The following ZNF628 variants were observed in gnomAD, a reference collection of about 807,000 sequenced individuals.
ZNF628 encodes the protein zinc finger protein 628.
Under a neutral mutation model 2.5 loss-of-function variants are expected in ZNF628, and 3 were observed. That is an observed-to-expected ratio of 1.19 (90% CI 0.54 to 3.07). The LOEUF (loss-of-function observed/expected upper bound fraction) is 3.07. Among genes scored for constraint, ZNF628 ranks in the 30% most tolerant of loss-of-function variants. The pLI, the probability that ZNF628 is intolerant of heterozygous loss-of-function variation, is 0.03. For missense variants in ZNF628, 1,610 were observed against 1,517.1 expected, an observed-to-expected ratio of 1.06 and a Z score of -1.02; for synonymous variants, 861 against 717.1, an observed-to-expected ratio of 1.20 and a Z score of -3.21.
rs2123412154 is a variant in ZNF628, at chr19:55,482,053, C to T, written c.860C>T (p.Ala287Val). The change falls in exon 3 of 3, where the codon GCG becomes GTG. Residue 287 changes from alanine (A) to valine (V), a missense_variant. Physicochemically the swap from Ala to Val is moderately conservative, Grantham distance 64. Around this residue, in one of 5 missense-constraint regions of ZNF628, gnomAD observed 651 missense variants for 575.6 expected, o/e 1.13. Transcript: ENST00000598519. ...GTGCCTGAGCTCTTTTTGGCGGCGG[C>T]GGAGACCACGGTGGAGCTGGTGTAC... ...PVVPELFLAA[A>V]ETTVELVYRC... is the part of the protein sequence containing the mutation. The T allele has an allele frequency of 8.7e-6, 13 of 1,488,888 alleles. No homozygotes were observed. The highest frequency in any genetic ancestry group is 1.2e-5 in the Non-Finnish European group (13 of 1,120,728). 92.2% of individuals were successfully genotyped at this position (1,488,888 alleles called of 1,614,324 possible). A position where few individuals can be genotyped will look rare whatever the true frequency, so the allele number is the denominator to read the frequency against.
chr19:55,481,580 C>A lies in ZNF628; in HGVS notation c.387C>A (p.Phe129Leu). 1 of 1,613,502 alleles carries A rather than the reference C, an allele frequency of 6.2e-7. No individual in the cohort carries two copies. Among genetic ancestry groups the A allele is most frequent in the Non-Finnish European group, 8.5e-7 (1 of 1,179,640 alleles). The change falls in exon 3 of 3, where the codon TTC becomes TTA. Residue 129 changes from phenylalanine (F) to leucine (L), a missense_variant. By Grantham distance (22) the Phe-to-Leu change is conservative (BLOSUM62 0). Transcript: ENST00000598519. ...AFICGQCGLA[F>L]KWSSHYQYHL... Reference sequence around the variant, plus strand: ...TCTGCGGCCAGTGCGGCCTGGCCTTCAAGTGGTCGTCCCACTACCAGTACC... The same window carrying A: ...TCTGCGGCCAGTGCGGCCTGGCCTTAAAGTGGTCGTCCCACTACCAGTACC...
chr19:55,482,886 C>T lies in ZNF628; in HGVS notation c.1693C>T (p.Pro565Ser). The T allele has an allele frequency of 6.2e-7, 1 of 1,603,756 alleles. No homozygotes were observed. The highest frequency in any genetic ancestry group is 1.7e-5 in the Admixed American group (1 of 59,708). The change falls in exon 3 of 3, where the codon CCC (proline) becomes TCC (serine). Residue 565 changes from proline (P) to serine (S), a missense_variant. Pro to Ser is a moderately conservative substitution (Grantham distance 74). Transcript: ENST00000598519. Reference protein sequence around the residue: ...RHRHVHTGERPHACGVCGKSF... With the variant: ...RHRHVHTGERSHACGVCGKSF... ...CCGCCACGTGCACACTGGCGAGAGG[C>T]CCCACGCCTGCGGTGTCTGCGGCAA...
chr19:55,482,654 C>T lies in ZNF628; in HGVS notation c.1461C>T (p.Cys487=). ...TGERPYQCGE[C]GKAFKRSSLL... ...AGCGGCCCTACCAGTGTGGCGAGTGCGGCAAGGCCTTCAAGCGCTCCTCCC... is the reference window on the plus strand; with the variant it reads ...AGCGGCCCTACCAGTGTGGCGAGTGTGGCAAGGCCTTCAAGCGCTCCTCCC... Residue 487 remains cysteine, a synonymous_variant, in exon 3 of 3, where the codon TGC becomes TGT. Coordinates refer to ENST00000598519, the MANE Select transcript of ZNF628 (RefSeq NM_033113.3). 6 of 1,611,228 alleles carry T rather than the reference C, an allele frequency of 3.7e-6. No homozygotes were observed. Among genetic ancestry groups the T allele is most frequent in the Non-Finnish European group, 5.1e-6 (6 of 1,179,134 alleles).
chr19:55,478,214 G>A (rs935455369), intron 1 of ZNF628, among the ~76,000 whole-genome samples: 3 of 152,222 alleles, frequency 2.0e-5, no homozygotes, highest in African/African-American at 7.2e-5. Context: ...CACTGCTGAG[G>A]CTGAGAATCC....
At position 55,482,006 on chromosome 19, in the gene ZNF628, G is replaced by GCCGCCCCCGCCC. The variant is rs764488198; in HGVS notation, c.820_831dup (p.Pro274_Pro277dup). ...ACAGCCCGCCCGCGCCTCCCGCCCC[G>GCCGCCCCCGCCC]CCGCCCCCGCCCCCGCCCGTGGTGC... On this transcript the variant is annotated inframe_insertion, in exon 3 of 3. Transcript: ENST00000598519. The GCCGCCCCCGCCC allele has an allele frequency of 8.6e-7, 1 of 1,157,624 alleles. No individual in the cohort carries two copies. Among genetic ancestry groups the GCCGCCCCCGCCC allele is most frequent in the African/African-American group, 2.0e-5 (1 of 49,928 alleles). The allele number at this position is 1,157,624 out of a possible 1,614,324, so 71.7% of individuals were successfully genotyped here. A position where few individuals can be genotyped will look rare whatever the true frequency, so the allele number is the denominator to read the frequency against.
chr19:55,480,445 A>G (rs1030029169), intron 2 of ZNF628, among the ~76,000 whole-genome samples: 3 of 151,094 alleles, frequency 2.0e-5, no homozygotes, highest in Admixed American at 2.0e-4. Context: ...TTTGAGATGG[A>G]GTTTCACTCT....
At position 55,484,389 on chromosome 19, in the gene ZNF628, C is replaced by T; in HGVS notation, c.*16C>T. Reference sequence around the variant, plus strand: ...CACGTTTTGAGGAGAGGCAGTGATTCCCCTCCCGCCCCGCACAGAGACCCC... The same window carrying T: ...CACGTTTTGAGGAGAGGCAGTGATTTCCCTCCCGCCCCGCACAGAGACCCC... On this transcript the variant is annotated 3_prime_UTR_variant, in exon 3 of 3. Coordinates refer to ENST00000598519, the MANE Select transcript of ZNF628 (RefSeq NM_033113.3). 1 of 1,438,700 alleles carries T rather than the reference C, an allele frequency of 7.0e-7. No homozygotes were observed. The highest frequency in any genetic ancestry group is 9.2e-7 in the Non-Finnish European group (1 of 1,092,656). The allele number at this position is 1,438,700 out of a possible 1,614,324, so 89.1% of individuals were successfully genotyped here.
rs1427155420 is a variant in ZNF628 at position 55,483,578 on chromosome 19, A to G, written c.2385A>G (p.Thr795=). ...QGAASAGASG[T]GQSLIVLQNV... is the part of the protein sequence containing the mutation. The stretch of plus-strand genomic sequence containing the variant: ...CGGCCAGCGCTGGGGCCAGCGGGAC[A>G]GGGCAGAGCCTCATCGTTCTGCAGA... Residue 795 remains threonine, a synonymous_variant, in exon 3 of 3, where the codon ACA becomes ACG. Transcript: ENST00000598519. The G allele has an allele frequency of 1.9e-6, 3 of 1,608,468 alleles. No individual in the cohort carries two copies. The highest frequency in any genetic ancestry group is 2.7e-5 in the African/African-American group (2 of 74,850).
At position 55,483,100 on chromosome 19, in the gene ZNF628, A is replaced by G; in HGVS notation, c.1907A>G (p.Tyr636Cys). 1.9e-6 allele frequency: 3 copies of G among 1,605,082 alleles called. No homozygotes were observed. The highest frequency in any genetic ancestry group is 2.5e-6 in the Non-Finnish European group (3 of 1,178,948). Residue 636 changes from tyrosine (Y) to cysteine (C), a missense_variant, in exon 3 of 3, where the codon TAT becomes TGT. Physicochemically the swap from Tyr to Cys is radical, Grantham distance 194. This residue lies in a region of ZNF628 where 712 missense variants were observed against 603.6 expected (regional missense o/e 1.18). Coordinates refer to ENST00000598519, the MANE Select transcript of ZNF628 (RefSeq NM_033113.3). ...GGTCGCGGCTTCGTTATGGCCGCCTATCTGCAGCGGCACCTGAGGACGCAC... is the reference window on the plus strand; with the variant it reads ...GGTCGCGGCTTCGTTATGGCCGCCTGTCTGCAGCGGCACCTGAGGACGCAC... ...ICGRGFVMAA[Y>C]LQRHLRTHAP...
rs1986773132 is a variant in ZNF628 at position 55,482,882 on chromosome 19, G to A, written c.1689G>A (p.Glu563=). Reference sequence around the variant, plus strand: ...GCCACCGCCACGTGCACACTGGCGAGAGGCCCCACGCCTGCGGTGTCTGCG... The same window carrying A: ...GCCACCGCCACGTGCACACTGGCGAAAGGCCCCACGCCTGCGGTGTCTGCG... ...LRRHRHVHTG[E]RPHACGVCGK... is the part of the protein sequence containing the mutation. The change falls in exon 3 of 3, where the codon GAG becomes GAA. Residue 563 remains glutamate, a synonymous_variant. Coordinates refer to ENST00000598519, the MANE Select transcript of ZNF628 (RefSeq NM_033113.3). The A allele has an allele frequency of 1.2e-6, 2 of 1,603,714 alleles. No individual in the cohort carries two copies. Among genetic ancestry groups the A allele is most frequent in the African/African-American group, 1.3e-5 (1 of 74,820 alleles).
At chr19:55,477,489 C>T (rs1986585197) in intron 1 of ZNF628, among the ~76,000 whole-genome samples, 2 of 151,948 alleles carry the variant, frequency 1.3e-5, no homozygotes, top group East Asian at 1.9e-4. Context: ...TGGCTAGGCG[C>T]GGTGGCTCAC....
chr19:55,482,534 C>A lies in ZNF628; in HGVS notation c.1341C>A (p.Pro447=). ...TCCCGCCGCCACCCCCGTCCGCCCC[C>A]GCTTCTGCGGAGCGGCCCTACAAAT... is the stretch of plus-strand genomic sequence containing the variant. ...APVPPPPPSA[P]ASAERPYKCA... is the part of the protein sequence containing the mutation. The change falls in exon 3 of 3, where the codon CCC becomes CCA. Residue 447 remains proline, a synonymous_variant. Coordinates refer to ENST00000598519, the MANE Select transcript of ZNF628 (RefSeq NM_033113.3). The A allele has an allele frequency of 2.6e-6, 4 of 1,546,520 alleles. No homozygotes were observed. The highest frequency in any genetic ancestry group is 4.6e-5 in the East Asian group (2 of 43,150).
At position 55,483,719 on chromosome 19, in the gene ZNF628, A is replaced by G. The variant is rs557237868; in HGVS notation, c.2526A>G (p.Thr842=). 3 of 1,612,814 alleles carry G rather than the reference A, an allele frequency of 1.9e-6. No individual in the cohort carries two copies. Among genetic ancestry groups the G allele is most frequent in the Non-Finnish European group, 1.7e-6 (2 of 1,179,398 alleles). ...TCCAGCCAGCGCAGGAGGTGACCAC[A>G]GTCCAGCTCCAGCCAGCACAGGAAG... ...VQLQPAQEVT[T]VQLQPAQEVT... is the part of the protein sequence containing the mutation. The change falls in exon 3 of 3, where the codon ACA becomes ACG. Residue 842 remains threonine, a synonymous_variant. Transcript: ENST00000598519.
intron 1 of ZNF628, among the ~76,000 whole-genome samples, chr19:55,477,455 CT>C (rs1986584294): frequency 6.6e-6 from 1 of 150,900 alleles, no homozygotes; most frequent in African/African-American, 2.4e-5. Flanking sequence ...AAAGGGTACA[CT>C]TATCTTTTAA....
chr19:55,479,763 C>T lies in ZNF628; in HGVS notation c.-77-71C>T. 2.5e-6 allele frequency: 1 copy of T among 393,558 alleles called. No homozygotes were observed. The highest frequency in any genetic ancestry group is 4.5e-6 in the Non-Finnish European group (1 of 223,004). 24.4% of individuals were successfully genotyped at this position (393,558 alleles called of 1,614,324 possible). A position where few individuals can be genotyped will look rare whatever the true frequency, so the allele number is the denominator to read the frequency against. On this transcript the variant is annotated intron_variant, in intron 1 of 2. Transcript: ENST00000598519. This position sits in a 1 kb window ranked among gnomAD's most constrained non-coding sequence, Gnocchi z 5.1. ...CCCTGGGTTGAAGGCACAGTTTGTC[C>T]CAGTTGAGAACCACTAGTATCGTGG...
In ZNF628 at chr19:55,482,163, C is replaced by G; in HGVS notation, c.970C>G (p.Gln324Glu). Reference protein sequence around the residue: ...QPCPGPDAAPQPQEAPAEAPK... With the variant: ...QPCPGPDAAPEPQEAPAEAPK... ...GTGCCCCGGGCCCGATGCGGCGCCCCAGCCCCAGGAGGCACCCGCCGAGGC... is the reference window on the plus strand; with the variant it reads ...GTGCCCCGGGCCCGATGCGGCGCCCGAGCCCCAGGAGGCACCCGCCGAGGC... Residue 324 changes from glutamine (Q) to glutamate (E), a missense_variant, in exon 3 of 3, where the codon CAG becomes GAG. Gln to Glu is a conservative substitution (Grantham distance 29, BLOSUM62 2). This residue lies in a region of ZNF628 where 651 missense variants were observed against 575.6 expected (regional missense o/e 1.13). Coordinates refer to ENST00000598519, the MANE Select transcript of ZNF628 (RefSeq NM_033113.3). The G allele has an allele frequency of 6.7e-7, 1 of 1,497,700 alleles. No homozygotes were observed. Among genetic ancestry groups the G allele is most frequent in the Non-Finnish European group, 8.9e-7 (1 of 1,128,018 alleles). The allele number at this position is 1,497,700 out of a possible 1,614,324, so 92.8% of individuals were successfully genotyped here.
chr19:55,482,578 C>T lies in ZNF628; in HGVS notation c.1385C>T (p.Ser462Phe). Reference protein sequence around the residue: ...RPYKCAECGKSFKGSSGLRYH... With the variant: ...RPYKCAECGKFFKGSSGLRYH... ...TACAAATGTGCCGAGTGCGGCAAGTCCTTCAAGGGCTCCTCCGGGCTGCGC... is the reference window on the plus strand; with the variant it reads ...TACAAATGTGCCGAGTGCGGCAAGTTCTTCAAGGGCTCCTCCGGGCTGCGC... The change falls in exon 3 of 3, where the codon TCC (serine) becomes TTC (phenylalanine). Residue 462 changes from serine (S) to phenylalanine (F), a missense_variant. Ser to Phe is a radical substitution (Grantham distance 155, BLOSUM62 -2). This residue lies in a region of ZNF628 where 651 missense variants were observed against 575.6 expected (regional missense o/e 1.13). Transcript: ENST00000598519. 6.3e-7 allele frequency: 1 copy of T among 1,591,236 alleles called. No individual in the cohort carries two copies. Among genetic ancestry groups the T allele is most frequent in the Non-Finnish European group, 8.5e-7 (1 of 1,170,584 alleles).
chr19:55,480,304 G>A lies in ZNF628; in HGVS notation c.7+387G>A, dbSNP rs564111089. Among the ~76,000 whole-genome samples, 174 of 147,792 alleles carry A rather than the reference G, an allele frequency of 1.2e-3. 1 individual carries two copies. Among genetic ancestry groups the A allele is most frequent in the African/African-American group, 4.2e-3 (167 of 40,052 alleles). ...TCTATGGCCCAGGCTGGAGTACAGT[G>A]GTGTGATCTCGGCTTACTGCAACCT... On this transcript the variant is annotated intron_variant, in intron 2 of 2. Coordinates refer to ENST00000598519, the MANE Select transcript of ZNF628 (RefSeq NM_033113.3).
In ZNF628 at chr19:55,481,908, C is replaced by T. The variant is rs746626689; in HGVS notation, c.715C>T (p.Pro239Ser). The change falls in exon 3 of 3, where the codon CCG becomes TCG. Residue 239 changes from proline to serine, a missense_variant. By Grantham distance (74) the Pro-to-Ser change is moderately conservative. Around this residue, in one of 5 missense-constraint regions of ZNF628, gnomAD observed 651 missense variants for 575.6 expected, o/e 1.13. Transcript: ENST00000598519. ...APAPGTASAAPPPQSREPGKV... is the reference protein window; with the variant it reads ...APAPGTASAASPPQSREPGKV... Reference sequence around the variant, plus strand: ...CGCCCCGGGTACCGCCTCCGCGGCCCCGCCCCCCCAGTCCCGGGAGCCCGG... The same window carrying T: ...CGCCCCGGGTACCGCCTCCGCGGCCTCGCCCCCCCAGTCCCGGGAGCCCGG... The T allele has an allele frequency of 6.7e-7, 1 of 1,484,596 alleles. No homozygotes were observed. The highest frequency in any genetic ancestry group is 1.3e-5 in the South Asian group (1 of 76,684). The allele number at this position is 1,484,596 out of a possible 1,614,324, so 92.0% of individuals were successfully genotyped here. A position where few individuals can be genotyped will look rare whatever the true frequency, so the allele number is the denominator to read the frequency against.
Sources: allele counts gnomAD v4.1 joint callset (sites outside exome capture counted in the v4.1 genomes callset), GRCh38; gene constraint gnomAD v4.1.1; regional missense constraint gnomAD v4.1.1; non-coding constraint Gnocchi (gnomAD v3.1); transcripts MANE v1.5; gene names NCBI Gene and HGNC (gene_info 2026-07-23, HGNC 2026-07-21).